CADPS2: variants seen among roughly 807,000 people sequenced by gnomAD.
CADPS2 encodes calcium-dependent secretion activator 2.
CADPS2 carries 93 observed loss-of-function variants against 172.5 expected under a neutral mutation model. The ratio of observed to expected loss-of-function variants is 0.54; its 90% CI spans 0.46 to 0.64. The LOEUF is 0.64. Among genes scored for constraint, CADPS2 ranks in the 30% least tolerant of loss-of-function variants. The probability of loss-of-function intolerance (pLI) is 0.00; values close to 1 mark genes in which losing one functional copy is unlikely to be tolerated. For synonymous variants in CADPS2, 546 were observed against 555.2 expected (o/e 0.98, Z 0.23); for missense variants, 1,420 against 1,565.9 (o/e 0.91, Z 1.57).
At chr7:122,342,552 T>C (rs1039070533) in intron 28 of CADPS2, among the ~76,000 whole-genome samples, 4 of 152,276 alleles carry the variant, frequency 2.6e-5, no homozygotes, top group Non-Finnish European at 5.9e-5. Context: ...TCCAAAAATG[T>C]TGGGGGCAGG....
chr7:122,436,098 G>C (rs2050608876), intron 17 of CADPS2, among the ~76,000 whole-genome samples: 1 of 152,082 alleles, frequency 6.6e-6, no homozygotes, highest in African/African-American at 2.4e-5. Context: ...AAATTGCAAA[G>C]AGGGTAGCTC....
chr7:122,379,175 A>G, intron 25 of CADPS2, 193 bp downstream of exon 25: 1 of 425,342 alleles, frequency 2.4e-6, no homozygotes, highest in South Asian at 3.6e-5. Flanking sequence ...TTTATTATAT[A>G]CAAAAAAACA....
Position 122,747,676 on chromosome 7 carries a change from T to C in CADPS2, c.340-10608A>G, listed in dbSNP as rs1334126847. ...TAAGAAAGTTACCCAGTTCACAAAA[T>C]TTGGGGGCAGAACCAGGTATATCTG... is the stretch of plus-strand genomic sequence containing the variant. On this transcript the variant is annotated intron_variant, in intron 1 of 29. Transcript: ENST00000449022. 2.0e-5 allele frequency among the ~76,000 whole-genome samples: 3 copies of C among 152,216 alleles called. No individual in the cohort carries two copies. In the East Asian group the frequency reaches 5.8e-4, roughly 29 times the overall value.
At chr7:122,833,325 A>G (rs1807193908) in intron 1 of CADPS2, among the ~76,000 whole-genome samples, 1 of 152,110 alleles carries the variant, frequency 6.6e-6, no homozygotes, top group African/African-American at 2.4e-5. Flanking sequence ...GAATTAATAA[A>G]TTGATATGTA....
At chr7:122,880,730 TAAG>T (rs1354753857) in intron 1 of CADPS2, among the ~76,000 whole-genome samples, 7 of 152,194 alleles carry the variant, frequency 4.6e-5, no homozygotes, top group Admixed American at 1.3e-4. Flanking sequence ...GCAGTTAAGA[TAAG>T]AATCGCACTT....
chr7:122,395,701 C>T (rs1233434838), intron 20 of CADPS2, among the ~76,000 whole-genome samples: 2 of 152,156 alleles, frequency 1.3e-5, no homozygotes, highest in African/African-American at 4.8e-5. Context: ...TTCTCTTCTT[C>T]CTCCTCCTCA....
chr7:122,648,526 G>C (rs1256153030), intron 3 of CADPS2, among the ~76,000 whole-genome samples: 1 of 151,956 alleles, frequency 6.6e-6, no homozygotes, highest in Non-Finnish European at 1.5e-5. Context: ...CATACACCAA[G>C]AGCCTAGAAA....
intron 9 of CADPS2, among the ~76,000 whole-genome samples, chr7:122,494,981 T>C (rs1023150473): frequency 1.3e-5 from 2 of 150,652 alleles, no homozygotes; most frequent in African/African-American, 4.9e-5. Flanking sequence ...GGTTAAGGGG[T>C]TGGAGGTGGG....
chr7:122,474,380 C>T lies in CADPS2; in HGVS notation c.1998+1G>A. ...AGGGGACTAGATAGACTTGTACTCA[C>T]CAAGCAAGAATAGGAATCATTCAGT... On this transcript the variant is annotated splice_donor_variant, in intron 13 of 29. Coordinates refer to ENST00000449022, the MANE Select transcript of CADPS2 (RefSeq NM_017954.11). LOFTEE classifies it high-confidence loss of function. 6.2e-7 allele frequency: 1 copy of T among 1,613,168 alleles called. No homozygotes were observed. The highest frequency in any genetic ancestry group is 8.5e-7 in the Non-Finnish European group (1 of 1,179,482).
chr7:122,333,587 C>A (rs1050457143), intron 28 of CADPS2, among the ~76,000 whole-genome samples: 1 of 152,218 alleles, frequency 6.6e-6, no homozygotes, highest in African/African-American at 2.4e-5. Context: ...TGTCCAGATT[C>A]ATGTCAGCCT....
intron 11 of CADPS2, among the ~76,000 whole-genome samples, chr7:122,483,820 TAACAA>T (rs979658188): frequency 2.6e-5 from 4 of 151,920 alleles, no homozygotes; most frequent in African/African-American, 9.7e-5. Context: ...ATCACAAAGA[TAACAA>T]AACAATTGGA....
intron 7 of CADPS2, among the ~76,000 whole-genome samples, chr7:122,558,148 T>C (rs986058696): frequency 3.9e-5 from 6 of 152,218 alleles, no homozygotes; most frequent in Non-Finnish European, 8.8e-5. Context: ...CTAACTAGTA[T>C]ATCAACAAGG....
intron 17 of CADPS2, among the ~76,000 whole-genome samples, chr7:122,433,627 T>C (rs1033754652): frequency 1.3e-5 from 2 of 152,204 alleles, no homozygotes; most frequent in Admixed American, 1.3e-4. Flanking sequence ...GGTCTTGAAC[T>C]CCTGACCTCA....
intron 14 of CADPS2, among the ~76,000 whole-genome samples, chr7:122,457,950 C>T (rs943251621): frequency 7.9e-5 from 12 of 152,134 alleles, no homozygotes; most frequent in Non-Finnish European, 1.6e-4. Context: ...ATTAAATGCT[C>T]CCCCACCCCA....
At chr7:122,686,914 G>C (rs1178301103) in intron 2 of CADPS2, among the ~76,000 whole-genome samples, 1 of 152,078 alleles carries the variant, frequency 6.6e-6, no homozygotes, top group Non-Finnish European at 1.5e-5. Context: ...CAAACTCCTG[G>C]CCTCGGGTCA....
At chr7:122,393,690 T>C in intron 20 of CADPS2, 108 bp from the exon 21 acceptor site, 9 of 1,136,388 alleles carry the variant, frequency 7.9e-6, no homozygotes, top group Non-Finnish European at 1.2e-5. Context: ...ACAGAAGAAC[T>C]GATAAAATGC....
intron 27 of CADPS2, among the ~76,000 whole-genome samples, chr7:122,358,613 A>C (rs1488015045): frequency 6.6e-6 from 1 of 152,006 alleles, no homozygotes; most frequent in Non-Finnish European, 1.5e-5. Flanking sequence ...GTCTGTTTTC[A>C]GTTAATTTTT....
chr7:122,552,565 G>C (rs2064439214), intron 8 of CADPS2, among the ~76,000 whole-genome samples: 1 of 152,032 alleles, frequency 6.6e-6, no homozygotes, highest in African/African-American at 2.4e-5. Context: ...AAGGGGTCTG[G>C]ATTGTCTCAC....
Position 122,886,187 on chromosome 7 carries a change from C to T in CADPS2, c.151G>A (p.Gly51Ser), listed in dbSNP as rs1824330010. The T allele has an allele frequency of 2.0e-6, 3 of 1,470,658 alleles. No individual in the cohort carries two copies. Among genetic ancestry groups the T allele is most frequent in the Middle Eastern group, 2.4e-4 (1 of 4,088 alleles). 91.1% of individuals were successfully genotyped at this position (1,470,658 alleles called of 1,614,324 possible). The change falls in exon 1 of 30, where the codon GGC becomes AGC. Residue 51 changes from glycine (G) to serine (S), a missense_variant. Transcript: ENST00000449022. ...GGGCTCACAGATCTGGCCGCGCCGCCGCCGCCCGCGCGCCCCGGCGCGTCC... is the reference window on the plus strand; with the variant it reads ...GGGCTCACAGATCTGGCCGCGCCGCTGCCGCCCGCGCGCCCCGGCGCGTCC... ...RRDAPGRAGGGGAARSVSPSP... is the reference protein window; with the variant it reads ...RRDAPGRAGGSGAARSVSPSP...
Sources: allele counts gnomAD v4.1 joint callset (sites outside exome capture counted in the v4.1 genomes callset), GRCh38; gene constraint gnomAD v4.1.1; transcripts MANE v1.5; gene names NCBI Gene and HGNC (gene_info 2026-07-23, HGNC 2026-07-21).